Variants in ACVR1 observed in about 807,000 individuals in gnomAD.
ACVR1 encodes activin receptor type-1.
Under a neutral mutation model 57.1 loss-of-function variants are expected in ACVR1, and 38 were observed. The ratio of observed to expected loss-of-function variants is 0.67; its 90% CI spans 0.51 to 0.87. The LOEUF (loss-of-function observed/expected upper bound fraction) is 0.87. Ranked by LOEUF, ACVR1 falls within the 40% of genes least tolerant of loss-of-function variation. The pLI is 0.00. For missense variants in ACVR1, 463 were observed against 638.2 expected, an observed-to-expected ratio of 0.73 and a Z score of 2.96; for synonymous variants, 212 against 228.1, an observed-to-expected ratio of 0.93 and a Z score of 0.63.
chr2:157,829,811 C>T (rs1688518219), intron 1 of ACVR1, among the ~76,000 whole-genome samples: 1 of 152,126 alleles, frequency 6.6e-6, no homozygotes, highest in Admixed American at 6.5e-5. Flanking sequence ...CTATTGTGGC[C>T]CTTAAAAGTG....
intron 1 of ACVR1, among the ~76,000 whole-genome samples, chr2:157,845,903 A>G (rs1689114626): frequency 6.6e-6 from 1 of 152,248 alleles, no homozygotes; most frequent in Non-Finnish European, 1.5e-5. Context: ...GCTGTTTTAG[A>G]AAAATTAATC....
chr2:157,799,542 C>A, intron 2 of ACVR1, 42 bp from the exon 3 acceptor site: 1 of 1,487,672 alleles, frequency 6.7e-7, no homozygotes, highest in Non-Finnish European at 9.4e-7. Flanking sequence ...GCATAAATAT[C>A]TAACTGCAGG....
At chr2:157,812,413 A>T (rs1012429249) in intron 2 of ACVR1, among the ~76,000 whole-genome samples, 1 of 152,152 alleles carries the variant, frequency 6.6e-6, no homozygotes, top group Non-Finnish European at 1.5e-5. Context: ...TGGTTGATGG[A>T]CCCATTAAAA....
intron 9 of ACVR1, among the ~76,000 whole-genome samples, chr2:157,756,745 G>C (rs1046768285): frequency 1.3e-5 from 2 of 151,700 alleles, no homozygotes; most frequent in African/African-American, 4.8e-5. Flanking sequence ...GTAAACACTG[G>C]AGATTCCTTA....
At chr2:157,829,901 C>T (rs1208767422) in intron 1 of ACVR1, among the ~76,000 whole-genome samples, 2 of 152,134 alleles carry the variant, frequency 1.3e-5, no homozygotes, top group East Asian at 1.9e-4. Context: ...ACCTATGAAA[C>T]ATCAAGGATA....
At chr2:157,851,956 C>T (rs913115512) in intron 1 of ACVR1, among the ~76,000 whole-genome samples, 12 of 127,416 alleles carry the variant, frequency 9.4e-5, no homozygotes, top group African/African-American at 1.7e-4. Context: ...TAGGCACTTC[C>T]GAAACATGTA....
In ACVR1 at chr2:157,794,702, T is replaced by C. The variant is rs747195369; in HGVS notation, c.67+4725A>G. Among the ~76,000 whole-genome samples, 10 of 152,184 alleles carry C rather than the reference T, an allele frequency of 6.6e-5. No homozygotes were observed. In the South Asian group the frequency reaches 1.4e-3, roughly 22 times the overall value. On this transcript the variant is annotated intron_variant, in intron 3 of 10. Transcript: ENST00000434821. ...TGTGAGGATTATAGGAAATTATGCA[T>C]GAAAGCTAGCCCAATATCTGGTGCA...
At chr2:157,806,095 T>C (rs546449687) in intron 2 of ACVR1, among the ~76,000 whole-genome samples, 6 of 152,244 alleles carry the variant, frequency 3.9e-5, no homozygotes, top group Non-Finnish European at 8.8e-5. Context: ...CCCAAAGTGC[T>C]GGGATTACAG....
chr2:157,872,861 C>T (rs1690156822), intron 1 of ACVR1, among the ~76,000 whole-genome samples: 1 of 152,124 alleles, frequency 6.6e-6, no homozygotes, highest in African/African-American at 2.4e-5. Context: ...AATCCAAAAA[C>T]CAGAACATCA....
chr2:157,819,617 T>A (rs2105330932), intron 1 of ACVR1: 1 of 152,292 alleles, frequency 6.6e-6, no homozygotes, highest in South Asian at 2.1e-4. Flanking sequence ...CAATTTCTTG[T>A]ATATCCACTC....
chr2:157,838,505 C>G (rs1445132751), intron 1 of ACVR1, among the ~76,000 whole-genome samples: 3 of 152,136 alleles, frequency 2.0e-5, no homozygotes, highest in South Asian at 2.1e-4. Flanking sequence ...GACCCTTTAG[C>G]AGACATTACT....
chr2:157,761,693 G>T (rs1685663439), intron 8 of ACVR1, among the ~76,000 whole-genome samples: 1 of 152,122 alleles, frequency 6.6e-6, no homozygotes, highest in Admixed American at 6.5e-5. Context: ...AGGTTAAATG[G>T]CTTTCAAATG....
chr2:157,846,927 G>A (rs951306027), intron 1 of ACVR1, among the ~76,000 whole-genome samples: 1 of 152,186 alleles, frequency 6.6e-6, no homozygotes, highest in Non-Finnish European at 1.5e-5. Context: ...ACTGAGAATA[G>A]CAGTTATATT....
intron 8 of ACVR1, among the ~76,000 whole-genome samples, chr2:157,762,186 T>C (rs1685684469): frequency 6.6e-6 from 1 of 152,180 alleles, no homozygotes; most frequent in Admixed American, 6.5e-5. Flanking sequence ...CCCCCACTTA[T>C]CCTTCAGTTA....
intron 1 of ACVR1, 185 bp downstream of exon 1, chr2:157,875,611 T>G (rs1028982206): frequency 7.1e-6 from 1 of 141,120 alleles, no homozygotes; most frequent in African/African-American, 2.6e-5. Context: ...GCAAGACAGT[T>G]TTGTTCCGCG....
chr2:157,777,958 T>G (rs1686354067), intron 5 of ACVR1, among the ~76,000 whole-genome samples, 173 bp downstream of exon 5: 1 of 152,204 alleles, frequency 6.6e-6, no homozygotes, highest in African/African-American at 2.4e-5. Context: ...GCTGTTCTGA[T>G]ATGGGAAGAC....
intron 1 of ACVR1, among the ~76,000 whole-genome samples, chr2:157,845,149 T>C (rs1453089214): frequency 6.6e-5 from 10 of 152,218 alleles, no homozygotes; most frequent in Admixed American, 3.3e-4. Flanking sequence ...ATGCCAGTCA[T>C]GTCAAGAGGT....
chr2:157,835,178 T>C (rs1284227312), intron 1 of ACVR1, among the ~76,000 whole-genome samples: 1 of 152,124 alleles, frequency 6.6e-6, no homozygotes, highest in Non-Finnish European at 1.5e-5. Context: ...CCACATCCCA[T>C]GTGTCCTCAA....
At chr2:157,742,701 C>T (rs913381536) in intron 9 of ACVR1, among the ~76,000 whole-genome samples, 3 of 152,162 alleles carry the variant, frequency 2.0e-5, no homozygotes, top group African/African-American at 4.8e-5. Context: ...ACAAAGCCAA[C>T]GTGCAGATCA....
Sources: allele counts gnomAD v4.1 joint callset (sites outside exome capture counted in the v4.1 genomes callset), GRCh38; gene constraint gnomAD v4.1.1; transcripts MANE v1.5; gene names NCBI Gene and HGNC (gene_info 2026-07-23, HGNC 2026-07-21).